The following TMEM272 variants were observed in gnomAD, a reference collection of about 807,000 sequenced individuals.
TMEM272 encodes the protein long intergenic non-protein coding RNA 282.
Under a neutral mutation model 3.7 loss-of-function variants are expected in TMEM272, and 8 were observed. That is an observed-to-expected ratio of 2.17 (90% CI 1.27 to 3.91). The LOEUF (loss-of-function observed/expected upper bound fraction) is 3.91. Ranked by LOEUF, TMEM272 falls within the 30% of genes most tolerant of loss-of-function variation. The pLI is 0.00. For missense variants in TMEM272, 166 were observed against 91.5 expected (o/e 1.81, Z -3.32); for synonymous variants, 63 against 39.8 (o/e 1.58, Z -2.20).
intron 4 of TMEM272, among the ~76,000 whole-genome samples, chr13:51,820,899 TTG>T (rs1956072866): frequency 6.6e-6 from 1 of 152,196 alleles, no homozygotes; most frequent in Non-Finnish European, 1.5e-5. Flanking sequence ...GCCCACCAGA[TTG>T]CTGTTAGGAG....
At chr13:51,850,542 T>C in the TMEM272 span, among the ~76,000 whole-genome samples, 4 of 152,150 alleles carry the variant, frequency 2.6e-5, no homozygotes, top group East Asian at 3.8e-4. Context: ...TGATTTATAA[T>C]AAATTTAAAA....
At chr13:51,903,942 C>CGTGTGTGTGTGTGTGTGTGTGTGTGT in the TMEM272 span, among the ~76,000 whole-genome samples, 1,013 of 136,630 alleles carry the variant, frequency 7.4e-3, 19 homozygotes, top group Middle Eastern at 0.011. Context: ...CAGTCTTCCA[C>CGTGTGTGTGTGTGTGTGTGTGTGTGT]GTGTGTGTGT....
At chr13:51,842,193 G>C (rs1010986737) in intron 1 of TMEM272, among the ~76,000 whole-genome samples, 1 of 152,196 alleles carries the variant, frequency 6.6e-6, no homozygotes, top group East Asian at 1.9e-4. Flanking sequence ...ACTGGGGCTG[G>C]GGTAGGGGTA....
upstream of TMEM272, among the ~76,000 whole-genome samples, chr13:51,850,072 A>G (rs1555275869): frequency 6.6e-5 from 10 of 152,200 alleles, no homozygotes; most frequent in Non-Finnish European, 5.9e-5. Context: ...AGCTGGGTGT[A>G]GGGGTGTGTG....
rs1426028798 is a variant in TMEM272 at position 51,822,074 on chromosome 13, C to T, written c.182G>A (p.Gly61Asp). 1.4e-6 allele frequency: 1 copy of T among 702,466 alleles called. No individual in the cohort carries two copies. 43.5% of individuals were successfully genotyped at this position (702,466 alleles called of 1,614,324 possible). The change falls in exon 4 of 5, where the codon GGC becomes GAC. Residue 61 changes from glycine to aspartate, a missense_variant. Physicochemically the swap from Gly to Asp is moderately conservative, Grantham distance 94 (BLOSUM62 -1). Coordinates refer to ENST00000629372, the MANE Select transcript of TMEM272 (RefSeq NM_001351003.2). ...PLIPLYLLVG[G>D]IVGTLKVSLL... ...CTTTACCTTTAAGGTACCGACGATGCCACCCACTAGCAAATATAAAGGAAT... is the reference window on the plus strand; with the variant it reads ...CTTTACCTTTAAGGTACCGACGATGTCACCCACTAGCAAATATAAAGGAAT...
chr13:51,877,777 C>T, the TMEM272 span, among the ~76,000 whole-genome samples: 1 of 152,094 alleles, frequency 6.6e-6, no homozygotes, highest in Admixed American at 6.5e-5. Context: ...TACTTAAGTA[C>T]CGATGTATGA....
chr13:51,910,512 T>C, the TMEM272 span: 1 of 739,018 alleles, frequency 1.4e-6, no homozygotes, highest in Non-Finnish European at 2.5e-6. Flanking sequence ...TGGAAAACCA[T>C]AAGGATTCGA....
At chr13:51,846,837 C>T (rs937830341), upstream of TMEM272, among the ~76,000 whole-genome samples, 2 of 152,192 alleles carry the variant, frequency 1.3e-5, no homozygotes, top group East Asian at 3.9e-4. Flanking sequence ...AAAAAAGTTA[C>T]AGTAAGCTAA....
chr13:51,928,499 G>A, the TMEM272 span, among the ~76,000 whole-genome samples: 2 of 152,182 alleles, frequency 1.3e-5, no homozygotes, highest in Non-Finnish European at 2.9e-5. Context: ...ACTCAACTGC[G>A]AAGAGGTAGG....
chr13:51,828,407 G>A (rs533848300), intron 2 of TMEM272, among the ~76,000 whole-genome samples: 2 of 152,324 alleles, frequency 1.3e-5, no homozygotes, highest in South Asian at 2.1e-4. Context: ...TACCCACAGC[G>A]GGTAGGGTGC....
the TMEM272 span, among the ~76,000 whole-genome samples, chr13:51,851,187 A>AGCTGGGTG: frequency 2.0e-5 from 3 of 152,174 alleles, no homozygotes; most frequent in South Asian, 6.2e-4. Flanking sequence ...TACAAAAATT[A>AGCTGGGTG]GCTGGGTGTG....
the TMEM272 span, among the ~76,000 whole-genome samples, chr13:51,859,939 CTGGAGTG>C: frequency 6.6e-6 from 1 of 151,746 alleles, no homozygotes; most frequent in Admixed American, 6.6e-5. Context: ...GTCACCCAGG[CTGGAGTG>C]CAGTGGCACG....
At chr13:51,898,563 T>C in the TMEM272 span, among the ~76,000 whole-genome samples, 1 of 150,728 alleles carries the variant, frequency 6.6e-6, no homozygotes, top group East Asian at 1.9e-4. Flanking sequence ...TTTGCAAAAG[T>C]AGGAGTAATG....
the TMEM272 span, among the ~76,000 whole-genome samples, chr13:51,864,235 TAAC>T: frequency 6.6e-6 from 1 of 152,120 alleles, no homozygotes; most frequent in Non-Finnish European, 1.5e-5. Context: ...CACATTTTTA[TAAC>T]AACACACATG....
rs944104718 is a variant in TMEM272 at position 51,841,161 on chromosome 13, C to T, written c.-23-2608G>A. Among the ~76,000 whole-genome samples, 7 of 152,246 alleles carry T rather than the reference C, an allele frequency of 4.6e-5. No individual in the cohort carries two copies. The South Asian group carries it at 6.2e-4, about 13-fold the overall frequency. On this transcript the variant is annotated intron_variant, in intron 1 of 4. Coordinates refer to ENST00000629372, the MANE Select transcript of TMEM272 (RefSeq NM_001351003.2). Reference sequence around the variant, plus strand: ...TATCTAAAGGGGCCATGGCCCATCACGGCTCCTAAAGGCCCGGAAGGTCGG... The same window carrying T: ...TATCTAAAGGGGCCATGGCCCATCATGGCTCCTAAAGGCCCGGAAGGTCGG...
chr13:51,863,672 GAC>G, the TMEM272 span, among the ~76,000 whole-genome samples: 16,023 of 134,250 alleles, frequency 0.12, 1,058 homozygotes, highest in Middle Eastern at 0.18. Context: ...CGCGCACACA[GAC>G]ACACACACAC....
the TMEM272 span, among the ~76,000 whole-genome samples, chr13:51,899,569 A>G: frequency 6.6e-6 from 1 of 152,202 alleles, no homozygotes; most frequent in African/African-American, 2.4e-5. Context: ...AGACGGCAAT[A>G]TTTCCCAAAT....
the TMEM272 span, among the ~76,000 whole-genome samples, chr13:51,902,890 C>T: frequency 2.0e-5 from 3 of 152,208 alleles, no homozygotes; most frequent in East Asian, 1.9e-4. Flanking sequence ...TATGTGATGC[C>T]GAGGGAGTGG....
chr13:51,839,622 G>T (rs1240351916), intron 1 of TMEM272, among the ~76,000 whole-genome samples: 1 of 152,200 alleles, frequency 6.6e-6, no homozygotes, highest in Non-Finnish European at 1.5e-5. Context: ...CTACCTGCAG[G>T]CCCTCCTGGG....
Sources: gnomAD v4.1 joint callset for allele counts (sites outside exome capture counted in the v4.1 genomes callset) on GRCh38, gnomAD v4.1.1 for gene constraint, MANE v1.5 for transcripts, NCBI Gene and HGNC (gene_info 2026-07-23, HGNC 2026-07-21) for gene names.